ESF1: variants seen among roughly 807,000 people sequenced by gnomAD.
ESF1 encodes the protein ESF1 homolog.
Under a neutral mutation model 92.0 loss-of-function variants are expected in ESF1, and 58 were observed. The observed-to-expected ratio is 0.63, with a 90% CI of 0.51 to 0.78. The LOEUF (loss-of-function observed/expected upper bound fraction) is 0.78. Ranked by LOEUF, ESF1 falls within the 30% of genes least tolerant of loss-of-function variation. The probability of loss-of-function intolerance (pLI) is 0.00; values close to 1 mark genes in which losing one functional copy is unlikely to be tolerated. For missense variants in ESF1, 922 were observed against 989.1 expected, an observed-to-expected ratio of 0.93 and a Z score of 0.91; for synonymous variants, 321 against 313.7, an observed-to-expected ratio of 1.02 and a Z score of -0.24.
chr20:13,771,621 C>T, intron 5 of ESF1, 138 bp from the exon 6 acceptor site: 2 of 648,854 alleles, frequency 3.1e-6, no homozygotes, highest in South Asian at 2.0e-5. Context: ...CATGACTTTG[C>T]CTTTATAAAC....
In ESF1 at chr20:13,717,452, G is replaced by A. The variant is rs770936449; in HGVS notation, c.2178C>T (p.Asn726=). ...DEDSKKHFNY[N]KIVEHQNLSK... ...TCAGATTCTGGTGCTCCACAATCTT[G>A]TTGTAATTGAAGTGTTTCTTACTGT... The change falls in exon 13 of 14, where the codon AAC becomes AAT. Residue 726 remains asparagine (N), a synonymous_variant. Coordinates refer to ENST00000617257, the MANE Select transcript of ESF1 (RefSeq NM_001276380.2). 26 of 1,613,848 alleles carry A rather than the reference G, an allele frequency of 1.6e-5. No individual in the cohort carries two copies. In the Admixed American group the frequency reaches 4.0e-4, roughly 25 times the overall value.
intron 9 of ESF1, among the ~76,000 whole-genome samples, chr20:13,736,347 C>A (rs1405236238): frequency 6.6e-6 from 1 of 151,946 alleles, no homozygotes; most frequent in Non-Finnish European, 1.5e-5. Flanking sequence ...AATCACTGTT[C>A]TAGACAATCA....
chr20:13,777,287 G>A (rs933453416), intron 2 of ESF1, among the ~76,000 whole-genome samples: 5 of 152,272 alleles, frequency 3.3e-5, no homozygotes, highest in Middle Eastern at 6.8e-3. Context: ...ACGGGGACTG[G>A]GAGTTTTGGA....
chr20:13,716,401 T>C (rs1214367817), intron 13 of ESF1, among the ~76,000 whole-genome samples: 1 of 152,152 alleles, frequency 6.6e-6, no homozygotes, highest in African/African-American at 2.4e-5. Flanking sequence ...CACTGTGACA[T>C]GAACCTGCTA....
intron 3 of ESF1, 108 bp downstream of exon 3, chr20:13,775,765 A>C: frequency 7.7e-7 from 1 of 1,296,564 alleles, no homozygotes; most frequent in Non-Finnish European, 1.0e-6. Flanking sequence ...ATCATAAAGA[A>C]TACTATTACC....
intron 11 of ESF1, among the ~76,000 whole-genome samples, chr20:13,722,793 G>A (rs1441128885): frequency 6.6e-6 from 1 of 151,766 alleles, no homozygotes; most frequent in Non-Finnish European, 1.5e-5. Flanking sequence ...GTTCGAGGCT[G>A]CAGTGAGCCA....
At chr20:13,732,742 A>T (rs956694645) in intron 10 of ESF1, among the ~76,000 whole-genome samples, 1 of 152,140 alleles carries the variant, frequency 6.6e-6, no homozygotes, top group African/African-American at 2.4e-5. Context: ...CACTTCCAGA[A>T]TGCTGCATTT....
At chr20:13,745,419 A>C (rs924212848) in intron 9 of ESF1, among the ~76,000 whole-genome samples, 18 of 152,202 alleles carry the variant, frequency 1.2e-4, no homozygotes, top group African/African-American at 4.3e-4. Flanking sequence ...ACATATATGG[A>C]TATGGCTAAC....
In ESF1 at chr20:13,733,791, T is replaced by A. The variant is rs753196194; in HGVS notation, c.1880A>T (p.Asp627Val). ...AAATTGTTCCCAAGGGGTCAGTTTA[T>A]CCTTTCCTTCCAATTTGTTTTTGAC... is the stretch of plus-strand genomic sequence containing the variant. The part of the protein sequence containing the change: ...EMVKNKLEGK[D>V]KLTPWEQFLE... Residue 627 changes from aspartate to valine, a missense_variant, in exon 10 of 14, where the codon GAT (aspartate) becomes GTT (valine). Physicochemically the swap from Asp to Val is radical, Grantham distance 152 (BLOSUM62 -3). Transcript: ENST00000617257. 6.2e-7 allele frequency: 1 copy of A among 1,613,222 alleles called. No homozygotes were observed. Among genetic ancestry groups the A allele is most frequent in the South Asian group, 1.1e-5 (1 of 90,964 alleles).
At chr20:13,728,299 G>A (rs1224321268) in intron 11 of ESF1, 79 bp downstream of exon 11, 3 of 1,056,482 alleles carry the variant, frequency 2.8e-6, no homozygotes, top group Non-Finnish European at 4.2e-6. Context: ...TTAAAAGAAT[G>A]ATTAGTTTAT....
chr20:13,724,973 C>A (rs2049891563), intron 11 of ESF1, among the ~76,000 whole-genome samples: 1 of 152,222 alleles, frequency 6.6e-6, no homozygotes, highest in South Asian at 2.1e-4. Context: ...GCTCTTGCCA[C>A]ATGTTCTATG....
In ESF1 at chr20:13,776,023, T is replaced by C. The variant is rs1428604722; in HGVS notation, c.885A>G (p.Lys295=). The C allele has an allele frequency of 1.2e-6, 2 of 1,613,996 alleles. No individual in the cohort carries two copies. Among genetic ancestry groups the C allele is most frequent in the Non-Finnish European group, 1.7e-6 (2 of 1,179,936 alleles). The change falls in exon 3 of 14, where the codon AAA becomes AAG. Residue 295 remains lysine (K), a synonymous_variant. Transcript: ENST00000617257. ...DEDEDSEDDD[K]SDSGPDLARG... ...TTGCAAGATCAGGGCCACTGTCACT[T>C]TTATCATCATCCTCACTATCCTCAT...
rs2049817040 is a variant in ESF1, at chr20:13,715,302, T to C, written c.2263-135A>G. The C allele has an allele frequency of 4.9e-6, 4 of 821,114 alleles. No individual in the cohort carries two copies. The African/African-American group carries it at 5.3e-5, about 11-fold the overall frequency. The allele number at this position is 821,114 out of a possible 1,614,324, so 50.9% of individuals were successfully genotyped here. A position where few individuals can be genotyped will look rare whatever the true frequency, so the allele number is the denominator to read the frequency against. On this transcript the variant is annotated intron_variant, in intron 13 of 13. Coordinates refer to ENST00000617257, the MANE Select transcript of ESF1 (RefSeq NM_001276380.2). Reference sequence around the variant, plus strand: ...ATACAAACCTGAGTGTTTGTACTGATTCATTAGGAAACTGTTTTTCCATAG... The same window carrying C: ...ATACAAACCTGAGTGTTTGTACTGACTCATTAGGAAACTGTTTTTCCATAG...
intron 5 of ESF1, among the ~76,000 whole-genome samples, chr20:13,771,724 G>A (rs2147773796): frequency 6.6e-6 from 1 of 152,092 alleles, no homozygotes; most frequent in East Asian, 1.9e-4. Flanking sequence ...GGGAATTCGT[G>A]TGTTTATCTA....
chr20:13,731,660 T>C (rs757993749), intron 10 of ESF1, among the ~76,000 whole-genome samples: 1 of 152,164 alleles, frequency 6.6e-6, no homozygotes, highest in African/African-American at 2.4e-5. Flanking sequence ...GTTACATATA[T>C]ATTATTTTCA....
At chr20:13,721,326 G>A (rs1340825603) in intron 11 of ESF1, among the ~76,000 whole-genome samples, 2 of 152,126 alleles carry the variant, frequency 1.3e-5, no homozygotes, top group Non-Finnish European at 2.9e-5. Flanking sequence ...ACAGCTCCAG[G>A]TGCTGGTGAC....
chr20:13,741,524 G>A (rs897739689), intron 9 of ESF1, among the ~76,000 whole-genome samples: 6 of 152,032 alleles, frequency 3.9e-5, no homozygotes, highest in African/African-American at 1.4e-4. Flanking sequence ...GTACATGAGA[G>A]GTGACATGTC....
intron 9 of ESF1, among the ~76,000 whole-genome samples, chr20:13,752,425 T>C (rs1336574030): frequency 3.9e-5 from 6 of 152,198 alleles, no homozygotes; most frequent in African/African-American, 1.4e-4. Flanking sequence ...GGTTTTCCAT[T>C]TAATGCCCTC....
At chr20:13,751,364 A>T (rs1978626151) in intron 9 of ESF1, among the ~76,000 whole-genome samples, 1 of 152,246 alleles carries the variant, frequency 6.6e-6, no homozygotes, top group Admixed American at 6.5e-5. Flanking sequence ...ACATGTGACA[A>T]GTTTTCTTTT....
Sources: gnomAD v4.1 joint callset for allele counts (sites outside exome capture counted in the v4.1 genomes callset) on GRCh38, gnomAD v4.1.1 for gene constraint, MANE v1.5 for transcripts, NCBI Gene and HGNC (gene_info 2026-07-23, HGNC 2026-07-21) for gene names.